The following SGCD variants were observed in gnomAD, a reference collection of about 807,000 sequenced individuals.
The protein encoded by SGCD is sarcoglycan delta, also known as delta-sarcoglycan.
In SGCD, 18 loss-of-function variants were observed where a neutral mutation model predicts 36.6. That is an observed-to-expected ratio of 0.49 (90% CI 0.34 to 0.73). The LOEUF (loss-of-function observed/expected upper bound fraction) is 0.73, where lower values mean the gene tolerates loss of function less well. Ranked by LOEUF, SGCD falls within the 30% of genes least tolerant of loss-of-function variation. SGCD has a pLI of 0.01. For missense variants in SGCD, 387 were observed against 346.7 expected (o/e 1.12, Z -0.92); for synonymous variants, 133 against 130.6 (o/e 1.02, Z -0.12).
intron 1 of SGCD, among the ~76,000 whole-genome samples, chr5:155,953,679 G>T (rs1424272844): frequency 6.6e-6 from 1 of 152,198 alleles, no homozygotes; most frequent in Admixed American, 6.5e-5. Context: ...TGTGATGTCT[G>T]TTAAGTGCTT....
intron 3 of SGCD, chr5:156,393,870 G>A: frequency 2.2e-6 from 1 of 455,772 alleles, no homozygotes; most frequent in Non-Finnish European, 4.4e-6. Flanking sequence ...CTGCTGGTGA[G>A]TTTTGTACTG....
chr5:156,571,683 G>A (rs1375587233), intron 4 of SGCD, among the ~76,000 whole-genome samples: 1 of 152,176 alleles, frequency 6.6e-6, no homozygotes, highest in Non-Finnish European at 1.5e-5. Context: ...TTTGGCTACA[G>A]CCTTCATGGT....
chr5:156,229,300 A>ATATACATACATATATAT (rs1477607808), intron 3 of SGCD, among the ~76,000 whole-genome samples: 3 of 126,176 alleles, frequency 2.4e-5, no homozygotes, highest in East Asian at 2.1e-4. Context: ...ATATATATAT[A>ATATACATACATATATAT]AAATTAGTTC....
upstream of SGCD, among the ~76,000 whole-genome samples, chr5:155,867,096 A>G (rs1444760057): frequency 6.6e-6 from 1 of 152,208 alleles, no homozygotes; most frequent in Admixed American, 6.5e-5. Context: ...GTCAAAGTGA[A>G]GAGTCTGGCC....
the SGCD span, among the ~76,000 whole-genome samples, chr5:155,800,919 C>T: frequency 6.6e-6 from 1 of 152,130 alleles, no homozygotes; most frequent in South Asian, 2.1e-4. Flanking sequence ...TAATTGTGTT[C>T]ACCACAGTTA....
chr5:156,332,522 A>G (rs947105355), intron 2 of SGCD, among the ~76,000 whole-genome samples: 1 of 152,214 alleles, frequency 6.6e-6, no homozygotes, highest in Non-Finnish European at 1.5e-5. Context: ...GAACCAAAGA[A>G]AGCAGACGGT....
rs150468786 is a variant in SGCD at position 156,577,257 on chromosome 5, G to T, written c.295-11974G>T. 7.9e-3 allele frequency among the ~76,000 whole-genome samples: 1,205 copies of T among 152,216 alleles called. 86 individuals are homozygous for T. In the East Asian group the frequency reaches 0.18, roughly 23 times the overall value. ...GTGTGGTGTGATTTCTGAGGGCTCTGTTCTGTTCCATTGGTCTATATCTCT... is the reference window on the plus strand; with the variant it reads ...GTGTGGTGTGATTTCTGAGGGCTCTTTTCTGTTCCATTGGTCTATATCTCT... On this transcript the variant is annotated intron_variant, in intron 4 of 8. Transcript: ENST00000337851.
the SGCD span, among the ~76,000 whole-genome samples, chr5:155,747,062 A>G: frequency 6.6e-6 from 1 of 152,136 alleles, no homozygotes; most frequent in African/African-American, 2.4e-5. Flanking sequence ...CACCCTGCTC[A>G]TGTCTGGCCA....
intron 3 of SGCD, among the ~76,000 whole-genome samples, chr5:156,426,974 T>C (rs1773700729): frequency 6.6e-6 from 1 of 152,120 alleles, no homozygotes; most frequent in African/African-American, 2.4e-5. Flanking sequence ...ATTTGAGTAA[T>C]GTGGTGCCTC....
rs539909264 is a variant in SGCD, at chr5:156,483,608, C to T, written c.193-24993C>T. On this transcript the variant is annotated intron_variant, in intron 3 of 8. Coordinates refer to ENST00000337851, the MANE Select transcript of SGCD (RefSeq NM_000337.6). ...TGTGGAGTCAACCATGGGGTGCATT[C>T]GGATTATTTCTTTTCTTCTGCATTT... 5.9e-5 allele frequency among the ~76,000 whole-genome samples: 9 copies of T among 152,294 alleles called. No individual in the cohort carries two copies. The South Asian group carries it at 8.3e-4, about 14-fold the overall frequency.
At chr5:156,494,098 G>A (rs1756066886) in intron 3 of SGCD, among the ~76,000 whole-genome samples, 2 of 152,144 alleles carry the variant, frequency 1.3e-5, no homozygotes. Flanking sequence ...GGGAATAAAT[G>A]TGGGAGCTGG....
intron 3 of SGCD, among the ~76,000 whole-genome samples, chr5:156,155,326 A>G (rs1241692661): frequency 6.6e-6 from 1 of 151,582 alleles, no homozygotes; most frequent in Non-Finnish European, 1.5e-5. Flanking sequence ...TGTTTCTTCT[A>G]AAAAGGGCAG....
chr5:156,375,966 CAA>C (rs1336114356), intron 3 of SGCD, among the ~76,000 whole-genome samples: 1 of 151,850 alleles, frequency 6.6e-6, no homozygotes, highest in African/African-American at 2.4e-5. Context: ...CATTTTATGA[CAA>C]AAATGTAAGA....
intron 3 of SGCD, among the ~76,000 whole-genome samples, chr5:156,416,970 A>T (rs1773078135): frequency 6.6e-6 from 1 of 152,186 alleles, no homozygotes. Flanking sequence ...CTTTGGCTCT[A>T]AGTCAAATGC....
chr5:155,800,327 C>G, the SGCD span, among the ~76,000 whole-genome samples: 1 of 152,068 alleles, frequency 6.6e-6, no homozygotes, highest in Non-Finnish European at 1.5e-5. Flanking sequence ...TCTGGTTTGG[C>G]GTATTTTTTC....
At chr5:156,015,956 G>T (rs956047280) in intron 1 of SGCD, among the ~76,000 whole-genome samples, 1 of 151,308 alleles carries the variant, frequency 6.6e-6, no homozygotes, top group Admixed American at 6.6e-5. Context: ...AACTGATGCA[G>T]TTCCAATGAT....
chr5:156,445,132 G>T (rs1369460214), intron 3 of SGCD, among the ~76,000 whole-genome samples: 1 of 152,104 alleles, frequency 6.6e-6, no homozygotes, highest in Non-Finnish European at 1.5e-5. Context: ...TAACTTAAAA[G>T]GTTGCCCTAG....
At chr5:156,548,040 A>T (rs1467086585) in intron 4 of SGCD, among the ~76,000 whole-genome samples, 1 of 152,208 alleles carries the variant, frequency 6.6e-6, no homozygotes, top group Non-Finnish European at 1.5e-5. Flanking sequence ...CTGCAGTATT[A>T]TAAGATGCTA....
intron 3 of SGCD, among the ~76,000 whole-genome samples, chr5:156,359,828 C>T (rs1316071440): frequency 6.6e-6 from 1 of 152,148 alleles, no homozygotes; most frequent in African/African-American, 2.4e-5. Context: ...AAATTGTTTT[C>T]TCTTTGTGTT....
Sources: allele counts gnomAD v4.1 joint callset (sites outside exome capture counted in the v4.1 genomes callset), GRCh38; gene constraint gnomAD v4.1.1; transcripts MANE v1.5; gene names NCBI Gene and HGNC (gene_info 2026-07-23, HGNC 2026-07-21).